Variants in MDN1 observed in about 807,000 individuals in gnomAD.
The protein encoded by MDN1 is midasin AAA ATPase 1, also known as midasin.
A neutral mutation model predicts 669.2 loss-of-function variants in MDN1; 266 were observed. The ratio of observed to expected loss-of-function variants is 0.40; its 90% confidence interval spans 0.36 to 0.44. MDN1 has a LOEUF of 0.44. Ranked by LOEUF, MDN1 falls within the 20% of genes least tolerant of loss-of-function variation. The pLI, the probability that MDN1 is intolerant of heterozygous loss-of-function variation, is 1.00. For missense variants in MDN1, 5,940 were observed against 6,754.0 expected, an observed-to-expected ratio of 0.88 and a Z score of 4.22; for synonymous variants, 2,385 against 2,457.1, an observed-to-expected ratio of 0.97 and a Z score of 0.87.
At chr6:89,808,448 T>C (rs1768155275) in intron 1 of MDN1, among the ~76,000 whole-genome samples, 1 of 152,168 alleles carries the variant, frequency 6.6e-6, no homozygotes, top group African/African-American at 2.4e-5. Context: ...ACACTAATTA[T>C]GCCAGTATTC....
rs397694064 is a variant in MDN1, at chr6:89,787,658, C to CG, written c.1334+195dup. ...TTAAACTGGTTACTTATTTTTAAGT[C>CG]GGGGGGGGGACCTCTTATTTTATAA... On this transcript the variant is annotated intron_variant, in intron 8 of 101. Transcript: ENST00000369393. Among the ~76,000 whole-genome samples, 426 of 92,416 alleles carry CG rather than the reference C, an allele frequency of 4.6e-3. 1 individual carries two copies. The highest frequency in any genetic ancestry group is 0.011 in the Middle Eastern group (2 of 186). The allele number at this position is 92,416 out of a possible 152,430, so 60.6% of individuals were successfully genotyped here.
rs1294266979 is a variant in MDN1, at chr6:89,713,331, A to C, written c.7070-35T>G. 3.2e-6 allele frequency: 5 copies of C among 1,542,182 alleles called. No individual in the cohort carries two copies. The East Asian group carries it at 6.8e-5, about 21-fold the overall frequency. On this transcript the variant is annotated intron_variant, in intron 46 of 101. Transcript: ENST00000369393. The stretch of plus-strand genomic sequence containing the variant: ...AAAAATTGCCATCTATAAACAATAG[A>C]GTCTTTAAAATCTCCAATGAAAATG...
At position 89,689,903 on chromosome 6, in the gene MDN1, C is replaced by T. The variant is rs751913180; in HGVS notation, c.10990G>A (p.Ala3664Thr). ...SLFLSCYQTG[A>T]SLVTHFYPLM... ...GGGTAGAAGTGTGTCACAAGCGATGCCCCAGTCTGATAGCAAGACAGAAAC... is the reference window on the plus strand; with the variant it reads ...GGGTAGAAGTGTGTCACAAGCGATGTCCCAGTCTGATAGCAAGACAGAAAC... Residue 3664 changes from alanine to threonine, a missense_variant, in exon 65 of 102, where the codon GCA becomes ACA. Physicochemically the swap from Ala to Thr is moderately conservative, Grantham distance 58 (BLOSUM62 0). Transcript: ENST00000369393. 44 of 1,614,134 alleles carry T rather than the reference C, an allele frequency of 2.7e-5. No individual in the cohort carries two copies. The highest frequency in any genetic ancestry group is 3.6e-5 in the Non-Finnish European group (43 of 1,180,024).
At chr6:89,734,689 AC>A (rs377599045) in intron 33 of MDN1, among the ~76,000 whole-genome samples, 1,658 of 33,084 alleles carry the variant, frequency 0.05, 160 homozygotes, top group African/African-American at 0.12. Flanking sequence ...AAAAAAAAAA[AC>A]AAGAGAGAGA....
rs748817931 is a variant in MDN1, at chr6:89,688,658, C to T, written c.11174G>A (p.Arg3725Gln). Residue 3725 changes from arginine to glutamine, a missense_variant, in exon 66 of 102, where the codon CGG becomes CAG. By Grantham distance (43) the Arg-to-Gln change is conservative. Around this residue, in one of 5 missense-constraint regions of MDN1, gnomAD observed 2,280 missense variants for 2,576.3 expected, o/e 0.88. Coordinates refer to ENST00000369393, the MANE Select transcript of MDN1 (RefSeq NM_014611.3). Reference sequence around the variant, plus strand: ...ACCTTGAAGCACAGGTTGACACTGCCGTGCTTCTGGAACATTGGGATGCTG... The same window carrying T: ...ACCTTGAAGCACAGGTTGACACTGCTGTGCTTCTGGAACATTGGGATGCTG... Reference protein sequence around the residue: ...FYQHPNVPEARQCQPVLQGFS... With the variant: ...FYQHPNVPEAQQCQPVLQGFS... 46 of 1,614,152 alleles carry T rather than the reference C, an allele frequency of 2.8e-5. No individual in the cohort carries two copies. Among genetic ancestry groups the T allele is most frequent in the Admixed American group, 6.7e-5 (4 of 60,020 alleles).
chr6:89,780,787 C>T (rs1323203689), intron 10 of MDN1, among the ~76,000 whole-genome samples: 4 of 149,930 alleles, frequency 2.7e-5, no homozygotes, highest in South Asian at 2.1e-4. Context: ...ATTACAGGCA[C>T]CTGCCACCGT....
chr6:89,656,634 C>G, intron 91 of MDN1, 66 bp downstream of exon 91: 1 of 936,288 alleles, frequency 1.1e-6, no homozygotes, highest in Non-Finnish European at 1.6e-6. Context: ...TTTTAAAGCA[C>G]TACGTTTGGA....
At position 89,644,996 on chromosome 6, in the gene MDN1, G is replaced by T; in HGVS notation, c.16602+19C>A. On this transcript the variant is annotated intron_variant, in intron 101 of 101. Transcript: ENST00000369393. ...CCCCACTTTACCTCCAGAAAAGGTG[G>T]CTTTTAGTAGTCACTCACCCGTGAA... 6.4e-7 allele frequency: 1 copy of T among 1,572,626 alleles called. No individual in the cohort carries two copies.
chr6:89,700,854 G>A lies in MDN1; in HGVS notation c.8430C>T (p.Asp2810=), dbSNP rs1584223761. The change falls in exon 56 of 102, where the codon GAC becomes GAT. Residue 2810 remains aspartate (D), a splice_region_variant and synonymous_variant. Transcript: ENST00000369393. ...GTGAAAAACACTCCACCACCAGCTT[G>A]TCCTGAAACAACAACACCCACAAGA... ...KFLGRPFPFK[D]KLVVECFSQL... is the part of the protein sequence containing the mutation. The A allele has an allele frequency of 1.2e-6, 2 of 1,613,684 alleles. No homozygotes were observed. Among genetic ancestry groups the A allele is most frequent in the African/African-American group, 1.3e-5 (1 of 74,900 alleles).
At chr6:89,738,636 T>A (rs1816128442) in intron 32 of MDN1, among the ~76,000 whole-genome samples, 181 bp from the exon 33 acceptor site, 1 of 152,240 alleles carries the variant, frequency 6.6e-6, no homozygotes, top group South Asian at 2.1e-4. Context: ...TTATATTCCA[T>A]GACACCTTCC....
In MDN1 at chr6:89,661,440, C is replaced by A. The variant is rs755142021; in HGVS notation, c.14704G>T (p.Glu4902Ter). Residue 4902 changes from glutamate (E) to a stop codon, truncating the protein, a stop_gained, in exon 88 of 102, where the codon GAA becomes TAA. Transcript: ENST00000369393. LOFTEE classifies it high-confidence loss of function. ...TTTCTGAAAGACGCACCTTCTCCTT[C>A]TTCATTGTCGGTGTCCTCACCACCA... ...KNGGEDTDNEEGEEENPLEIK... is the reference protein window; with the variant it reads ...KNGGEDTDNE 1.2e-6 allele frequency: 2 copies of A among 1,611,988 alleles called. No individual in the cohort carries two copies. The highest frequency in any genetic ancestry group is 1.7e-5 in the Admixed American group (1 of 59,350).
chr6:89,759,904 T>C (rs1817451105), intron 17 of MDN1, among the ~76,000 whole-genome samples: 1 of 151,108 alleles, frequency 6.6e-6, no homozygotes, highest in African/African-American at 2.4e-5. Context: ...AAACCCCGTC[T>C]CTACTAAAAA....
chr6:89,734,065 A>G (rs1177216655), intron 33 of MDN1, among the ~76,000 whole-genome samples: 1 of 152,068 alleles, frequency 6.6e-6, no homozygotes, highest in Admixed American at 6.6e-5. Flanking sequence ...CGGGCAGATC[A>G]CTAGAGGCCA....
In MDN1 at chr6:89,695,719, C is replaced by T; in HGVS notation, c.9657G>A (p.Gln3219=). The change falls in exon 61 of 102, where the codon CAG becomes CAA. Residue 3219 remains glutamine (Q), a synonymous_variant. Coordinates refer to ENST00000369393, the MANE Select transcript of MDN1 (RefSeq NM_014611.3). This position sits in a 1 kb window ranked among gnomAD's most constrained non-coding sequence, Gnocchi z 4.1. ...CGAGGCTCACCCAGAGGCTCCCACG[C>T]TGGGCTGGCTCAGGCAGGCTCCTCT... ...ESKRSLPEPA[Q]RGSLWVSLGL... 1 of 1,613,768 alleles carries T rather than the reference C, an allele frequency of 6.2e-7. No homozygotes were observed. Among genetic ancestry groups the T allele is most frequent in the Non-Finnish European group, 8.5e-7 (1 of 1,180,028 alleles).
At chr6:89,815,219 C>G (rs1205967835) in intron 1 of MDN1, 4 of 394,650 alleles carry the variant, frequency 1.0e-5, no homozygotes, top group Non-Finnish European at 2.0e-5. Context: ...AGACTGCCTT[C>G]CAGAGCCCCT....
chr6:89,661,775 G>T (rs1266761056), intron 87 of MDN1, among the ~76,000 whole-genome samples, 197 bp from the exon 88 acceptor site: 2 of 152,106 alleles, frequency 1.3e-5, no homozygotes, highest in African/African-American at 4.8e-5. Flanking sequence ...TTCTGTGCAG[G>T]TTATCCAAGG....
At chr6:89,673,671 A>C in intron 79 of MDN1, 2 of 562,204 alleles carry the variant, frequency 3.6e-6, no homozygotes. Context: ...TCTATTACTA[A>C]ACACCTAGGT....
In MDN1 at chr6:89,708,587, C is replaced by A. The variant is rs754994041; in HGVS notation, c.7807G>T (p.Ala2603Ser). The A allele has an allele frequency of 1.2e-6, 2 of 1,613,842 alleles. No homozygotes were observed. The highest frequency in any genetic ancestry group is 2.7e-5 in the African/African-American group (2 of 74,894). Reference sequence around the variant, plus strand: ...ATCAAATTTCTAATCATGTCCAGAGCCTGCATATTCCATCGGGGATCCAGA... The same window carrying A: ...ATCAAATTTCTAATCATGTCCAGAGACTGCATATTCCATCGGGGATCCAGA... ...IPLDPRWNMQ[A>S]LDMIRNLMDF... The change falls in exon 51 of 102, where the codon GCT becomes TCT. Residue 2603 changes from alanine (A) to serine (S), a missense_variant. By Grantham distance (99) the Ala-to-Ser change is moderately conservative. Transcript: ENST00000369393.
At chr6:89,690,264 T>C (rs1812295119) in intron 64 of MDN1, 121 bp from the exon 65 acceptor site, 1 of 1,028,412 alleles carries the variant, frequency 9.7e-7, no homozygotes, top group Non-Finnish European at 1.4e-6. Flanking sequence ...CTAATATATG[T>C]ATTAAAATAT....
Sources: allele counts gnomAD v4.1 joint callset (sites outside exome capture counted in the v4.1 genomes callset), GRCh38; gene constraint gnomAD v4.1.1; regional missense constraint gnomAD v4.1.1; non-coding constraint Gnocchi (gnomAD v3.1); transcripts MANE v1.5; gene names NCBI Gene and HGNC (gene_info 2026-07-23, HGNC 2026-07-21).